Variants in IGF1R observed in about 807,000 individuals in gnomAD.
IGF1R encodes the protein insulin like growth factor 1 receptor, also known as insulin-like growth factor 1 receptor.
IGF1R carries 44 observed loss-of-function variants against 144.6 expected under a neutral mutation model. The observed-to-expected ratio is 0.30, with a 90% CI of 0.24 to 0.39. The LOEUF (loss-of-function observed/expected upper bound fraction) is 0.39. Among genes scored for constraint, IGF1R ranks in the 10% least tolerant of loss-of-function variants. The pLI is 1.00. For missense variants in IGF1R, 1,355 were observed against 1,833.7 expected, an observed-to-expected ratio of 0.74 and a Z score of 4.77; for synonymous variants, 795 against 722.8, an observed-to-expected ratio of 1.10 and a Z score of -1.60.
intron 20 of IGF1R, 113 bp from the exon 21 acceptor site, chr15:98,956,947 TC>T: frequency 8.3e-7 from 1 of 1,202,568 alleles, no homozygotes; most frequent in Non-Finnish European, 1.2e-6. Context: ...AGGGCTGTGT[TC>T]AGTGCTCCCG....
chr15:98,726,941 G>A (rs1025206549), intron 2 of IGF1R, among the ~76,000 whole-genome samples: 1 of 151,776 alleles, frequency 6.6e-6, no homozygotes, highest in Non-Finnish European at 1.5e-5. Flanking sequence ...GGCAGGTCTC[G>A]AACTCCTGAC....
In IGF1R at chr15:98,707,462, T is replaced by C. The variant is rs1177255264; in HGVS notation, c.95-100T>C. 2 of 1,196,844 alleles carry C rather than the reference T, an allele frequency of 1.7e-6. No individual in the cohort carries two copies. Among genetic ancestry groups the C allele is most frequent in the African/African-American group, 1.5e-5 (1 of 66,152 alleles). 74.1% of individuals were successfully genotyped at this position (1,196,844 alleles called of 1,614,324 possible). On this transcript the variant is annotated intron_variant, in intron 1 of 20. Transcript: ENST00000650285. This position sits in a 1 kb window ranked among gnomAD's most constrained non-coding sequence, Gnocchi z 6.7. ...CAATTGAACCTCATTTCTTTAATAA[T>C]AATACAGGATTCCTGAAAACCAACT... is the stretch of plus-strand genomic sequence containing the variant.
chr15:98,931,119 A>G (rs2015922999), intron 15 of IGF1R, among the ~76,000 whole-genome samples: 1 of 152,200 alleles, frequency 6.6e-6, no homozygotes, highest in South Asian at 2.1e-4. Context: ...AAACTTGTGC[A>G]GGCTCACATG....
intron 1 of IGF1R, among the ~76,000 whole-genome samples, chr15:98,669,483 G>A (rs571556633): frequency 7.2e-5 from 11 of 152,258 alleles, no homozygotes; most frequent in Admixed American, 3.9e-4. Context: ...TTGTTAGAAC[G>A]TTGCCCTCAG....
At chr15:98,879,273 A>G (rs913495149) in intron 2 of IGF1R, among the ~76,000 whole-genome samples, 5 of 152,224 alleles carry the variant, frequency 3.3e-5, no homozygotes, top group African/African-American at 1.2e-4. Flanking sequence ...TTTTTAAAAG[A>G]ATATTTTATA....
chr15:98,841,958 G>A (rs1287672884), intron 2 of IGF1R, among the ~76,000 whole-genome samples: 2 of 152,190 alleles, frequency 1.3e-5, no homozygotes, highest in Non-Finnish European at 2.9e-5. Flanking sequence ...TGGAAAAGAG[G>A]TGACTGCTGG....
At chr15:98,946,039 CA>C (rs2016539581) in intron 19 of IGF1R, among the ~76,000 whole-genome samples, 1 of 151,884 alleles carries the variant, frequency 6.6e-6, no homozygotes, top group Non-Finnish European at 1.5e-5. Context: ...ACGACGATGA[CA>C]GCGTCGTCGT....
intron 2 of IGF1R, among the ~76,000 whole-genome samples, chr15:98,864,486 T>G (rs2012321647): frequency 6.6e-6 from 1 of 152,172 alleles, no homozygotes; most frequent in Non-Finnish European, 1.5e-5. Context: ...CCTCCCAGGT[T>G]TAAGTTAATG....
rs535244161 is a variant in IGF1R, at chr15:98,898,516, C to T, written c.1103-961C>T. On this transcript the variant is annotated intron_variant, in intron 4 of 20. Coordinates refer to ENST00000650285, the MANE Select transcript of IGF1R (RefSeq NM_000875.5). The stretch of plus-strand genomic sequence containing the variant: ...TCTCTTCCTTAAAACATCAACTGCA[C>T]GCAACCTCTCATCTTTCCAACTTGA... 6.6e-5 allele frequency among the ~76,000 whole-genome samples: 10 copies of T among 152,318 alleles called. No homozygotes were observed. The East Asian group carries it at 7.7e-4, about 12-fold the overall frequency.
chr15:98,945,862 T>A (rs1450257331), intron 19 of IGF1R, among the ~76,000 whole-genome samples: 3 of 152,088 alleles, frequency 2.0e-5, no homozygotes, highest in African/African-American at 4.8e-5. Flanking sequence ...GCAGGTGATG[T>A]TGACCTCAGA....
intron 1 of IGF1R, among the ~76,000 whole-genome samples, chr15:98,670,099 G>T (rs1247534880): frequency 2.0e-5 from 3 of 152,186 alleles, no homozygotes; most frequent in Admixed American, 1.3e-4. Flanking sequence ...CCTGCAGGAG[G>T]TATGTGAGGT....
At chr15:98,846,900 G>A (rs1426130333) in intron 2 of IGF1R, among the ~76,000 whole-genome samples, 1 of 152,134 alleles carries the variant, frequency 6.6e-6, no homozygotes. Flanking sequence ...AATGACCCAG[G>A]AATTCCTTGA....
At chr15:98,819,831 T>G (rs887627344) in intron 2 of IGF1R, among the ~76,000 whole-genome samples, 1 of 152,214 alleles carries the variant, frequency 6.6e-6, no homozygotes, top group African/African-American at 2.4e-5. Context: ...AGAGTGGCAT[T>G]GTTTTATGTG....
At chr15:98,948,985 AT>A (rs755503710) in intron 20 of IGF1R, among the ~76,000 whole-genome samples, 5 of 152,194 alleles carry the variant, frequency 3.3e-5, no homozygotes, top group Non-Finnish European at 7.3e-5. Flanking sequence ...TCTCTGTGAA[AT>A]GTTTGGCCAG....
chr15:98,887,125 G>C (rs930333127), intron 2 of IGF1R, among the ~76,000 whole-genome samples: 2 of 152,094 alleles, frequency 1.3e-5, no homozygotes, highest in Non-Finnish European at 2.9e-5. Flanking sequence ...GATTTTTCCT[G>C]GTTGGTTTTA....
chr15:98,909,254 T>TTTTC (rs1555459634), intron 6 of IGF1R, among the ~76,000 whole-genome samples: 5 of 118,570 alleles, frequency 4.2e-5, no homozygotes, highest in African/African-American at 1.4e-4. Flanking sequence ...TTTTTTTCTT[T>TTTTC]TTTTTTCTTT....
At chr15:98,856,347 C>A (rs1352900503) in intron 2 of IGF1R, among the ~76,000 whole-genome samples, 1 of 152,242 alleles carries the variant, frequency 6.6e-6, no homozygotes, top group East Asian at 1.9e-4. Context: ...TCTGACTATA[C>A]ATCTCTAGCC....
Position 98,765,308 on chromosome 15 carries a change from C to CTTTTTTTTTTTTT in IGF1R, c.640+57217_640+57229dup, listed in dbSNP as rs139280569. 6.5e-5 allele frequency among the ~76,000 whole-genome samples: 4 copies of CTTTTTTTTTTTTT among 61,814 alleles called. 1 individual carries two copies. Among genetic ancestry groups the CTTTTTTTTTTTTT allele is most frequent in the African/African-American group, 2.7e-4 (4 of 15,004 alleles). The allele number at this position is 61,814 out of a possible 152,430, so 40.6% of individuals were successfully genotyped here. ...TCTCACCCAATGATCATGCCAACAC[C>CTTTTTTTTTTTTT]TTTTTTTTTTTTTTTTTTTTTTTTT... On this transcript the variant is annotated intron_variant, in intron 2 of 20. Transcript: ENST00000650285.
chr15:98,857,268 G>A (rs2011874448), intron 2 of IGF1R, among the ~76,000 whole-genome samples: 1 of 152,162 alleles, frequency 6.6e-6, no homozygotes, highest in Admixed American at 6.5e-5. Flanking sequence ...GCCCAAGCTG[G>A]AGTGCAGTGG....
Sources: gnomAD v4.1 joint callset for allele counts (sites outside exome capture counted in the v4.1 genomes callset) on GRCh38, gnomAD v4.1.1 for gene constraint, Gnocchi (gnomAD v3.1) non-coding constraint, MANE v1.5 for transcripts, NCBI Gene and HGNC (gene_info 2026-07-23, HGNC 2026-07-21) for gene names.